PCDHGC3: variants seen among roughly 807,000 people sequenced by gnomAD.
The protein encoded by PCDHGC3 is protocadherin gamma subfamily C, 3, also known as protocadherin gamma-C3.
In PCDHGC3, 26 loss-of-function variants were observed where a neutral mutation model predicts 59.2. The observed-to-expected ratio is 0.44, with a 90% CI of 0.32 to 0.61. The LOEUF is 0.61. Ranked by LOEUF, PCDHGC3 falls within the 20% of genes least tolerant of loss-of-function variation. The probability of loss-of-function intolerance (pLI) is 0.05; values close to 1 mark genes in which losing one functional copy is unlikely to be tolerated. For synonymous variants in PCDHGC3, 487 were observed against 519.7 expected, an observed-to-expected ratio of 0.94 and a Z score of 0.86; for missense variants, 1,080 against 1,221.8, an observed-to-expected ratio of 0.88 and a Z score of 1.73.
Position 141,485,856 on chromosome 5 carries a change from T to C in PCDHGC3, c.2430+7310T>C. ...CCGCCGAGATCTGGCACCGCAGAGC[T>C]CCGGGTATCCGTGCTGGACGTAAAC... is the stretch of plus-strand genomic sequence containing the variant. On this transcript the variant is annotated intron_variant, in intron 1 of 3. Coordinates refer to ENST00000308177, the MANE Select transcript of PCDHGC3 (RefSeq NM_002588.4). The surrounding 1 kb of genome is among the most constrained non-coding windows in gnomAD (Gnocchi z 5.7). 1 of 1,614,108 alleles carries C rather than the reference T, an allele frequency of 6.2e-7. No individual in the cohort carries two copies. The highest frequency in any genetic ancestry group is 8.5e-7 in the Non-Finnish European group (1 of 1,180,014).
At position 141,476,943 on chromosome 5, in the gene PCDHGC3, A is replaced by G. The variant is rs538990482; in HGVS notation, c.827A>G (p.Asn276Ser). The change falls in exon 1 of 4, where the codon AAC (asparagine) becomes AGC (serine). Residue 276 changes from asparagine (N) to serine (S), a missense_variant. Physicochemically the swap from Asn to Ser is conservative, Grantham distance 46. Coordinates refer to ENST00000308177, the MANE Select transcript of PCDHGC3 (RefSeq NM_002588.4). This position sits in a 1 kb window ranked among gnomAD's most constrained non-coding sequence, Gnocchi z 7.6. ...GCAACGGATCTGGATGAAGGCCCCA[A>G]CGGTGAAATTATTTACTCCTTCGGC... ...VLATDLDEGP[N>S]GEIIYSFGSH... 14 of 1,614,170 alleles carry G rather than the reference A, an allele frequency of 8.7e-6. No individual in the cohort carries two copies. Among genetic ancestry groups the G allele is most frequent in the South Asian group, 1.1e-5 (1 of 91,086 alleles).
In PCDHGC3 at chr5:141,511,233, T is replaced by C. The variant is rs776405064; in HGVS notation, c.*60T>C. 5.0e-6 allele frequency: 8 copies of C among 1,595,310 alleles called. No homozygotes were observed. Among genetic ancestry groups the C allele is most frequent in the Non-Finnish European group, 6.8e-6 (8 of 1,170,902 alleles). On this transcript the variant is annotated 3_prime_UTR_variant, in exon 4 of 4. Transcript: ENST00000308177. ...CTCCCCAACCAGCCCAGCTTCTCCT[T>C]ACCTGCACCCAGGCCTCAGAGTTTC...
Position 141,486,601 on chromosome 5 carries a change from C to A in PCDHGC3, c.2430+8055C>A, listed in dbSNP as rs770685748. On this transcript the variant is annotated intron_variant, in intron 1 of 3. Transcript: ENST00000308177. The surrounding 1 kb of genome is among the most constrained non-coding windows in gnomAD (Gnocchi z 5.0). ...ATCGCCCAGGGGACCTGCTTTGCTCCCTTGCAGCCTCTGACCCAGACTCTG... is the reference window on the plus strand; with the variant it reads ...ATCGCCCAGGGGACCTGCTTTGCTCACTTGCAGCCTCTGACCCAGACTCTG... The A allele has an allele frequency of 1.9e-6, 3 of 1,613,558 alleles. No homozygotes were observed. The highest frequency in any genetic ancestry group is 3.3e-5 in the Admixed American group (2 of 60,026).
rs371350905 is a variant in PCDHGC3 at position 141,476,860 on chromosome 5, G to A, written c.744G>A (p.Leu248=). The A allele has an allele frequency of 6.7e-5, 108 of 1,613,762 alleles. No individual in the cohort carries two copies. The highest frequency in any genetic ancestry group is 1.6e-4 in the East Asian group (7 of 44,884). ...ATGCGCCTGTCTTCAACCAGTCCTT[G>A]TACCGGGCGCGCGTCCTGGAGGATG... is the stretch of plus-strand genomic sequence containing the variant. ...NDNAPVFNQS[L]YRARVLEDAP... The change falls in exon 1 of 4, where the codon TTG becomes TTA. Residue 248 remains leucine (L), a synonymous_variant. Transcript: ENST00000308177. This position sits in a 1 kb window ranked among gnomAD's most constrained non-coding sequence, Gnocchi z 7.6.
At chr5:141,495,292 C>T (rs74321313) in intron 2 of PCDHGC3, among the ~76,000 whole-genome samples, 8,567 of 152,256 alleles carry the variant, frequency 0.056, 526 homozygotes, top group African/African-American at 0.16. Context: ...CCGCACTCAG[C>T]GCCTCCTCCA....
At chr5:141,484,950 T>G in intron 1 of PCDHGC3, 1 of 561,950 alleles carries the variant, frequency 1.8e-6, no homozygotes, top group Non-Finnish European at 3.2e-6. Context: ...GCTCAGCCTA[T>G]TGGCTGAGCC....
chr5:141,482,016 C>T (rs2099550411), intron 1 of PCDHGC3, among the ~76,000 whole-genome samples: 1 of 148,596 alleles, frequency 6.7e-6, no homozygotes, highest in African/African-American at 2.5e-5. Context: ...TCTCAGGAAG[C>T]AGAGGTTGCA....
At chr5:141,495,095 G>C (rs67264863) in intron 2 of PCDHGC3, among the ~76,000 whole-genome samples, 9,751 of 152,126 alleles carry the variant, frequency 0.064, 363 homozygotes, top group South Asian at 0.11. Context: ...TTCCCTCCTC[G>C]CCACGACCGG....
At chr5:141,510,132 G>A (rs920772998) in intron 3 of PCDHGC3, among the ~76,000 whole-genome samples, 2 of 152,120 alleles carry the variant, frequency 1.3e-5, no homozygotes, top group African/African-American at 4.8e-5. Context: ...AAATTAGCTG[G>A]GCTAGTGGTG....
At chr5:141,482,530 CAAAAAAA>C (rs3074545) in intron 1 of PCDHGC3, among the ~76,000 whole-genome samples, 2 of 76,560 alleles carry the variant, frequency 2.6e-5, no homozygotes, top group South Asian at 4.6e-4. Flanking sequence ...GACAGACATG[CAAAAAAA>C]AAAAAAAAAA....
chr5:141,502,655 C>T (rs72790073), intron 2 of PCDHGC3, among the ~76,000 whole-genome samples: 29,437 of 152,034 alleles, frequency 0.19, 2,877 homozygotes, highest in Middle Eastern at 0.24. Context: ...AGGCAGCAAC[C>T]CTTCATGCAA....
intron 1 of PCDHGC3, 157 bp from the exon 2 acceptor site, chr5:141,494,650 T>G (rs1366776271): frequency 1.0e-6 from 1 of 960,138 alleles, no homozygotes; most frequent in East Asian, 1.1e-4. Context: ...CTGAGGTGTA[T>G]TTTGTCTTTG....
At position 141,482,530 on chromosome 5, in the gene PCDHGC3, C is replaced by CAA. The variant is rs3074545; in HGVS notation, c.2430+4002_2430+4003dup. ...CAGAGTACAGTATGAGACAGACATG[C>CAA]AAAAAAAAAAAAAAAAAAAGATAAT... On this transcript the variant is annotated intron_variant, in intron 1 of 3. Transcript: ENST00000308177. Among the ~76,000 whole-genome samples the CAA allele has an allele frequency of 5.5e-3, 422 of 76,516 alleles. 18 individuals are homozygous for CAA. Among genetic ancestry groups the CAA allele is most frequent in the African/African-American group, 0.016 (343 of 20,862 alleles). The allele number at this position is 76,516 out of a possible 152,430, so 50.2% of individuals were successfully genotyped here.
Position 141,476,698 on chromosome 5 carries a change from G to T in PCDHGC3, c.582G>T (p.Ala194=). The T allele has an allele frequency of 4.3e-6, 7 of 1,614,056 alleles. No homozygotes were observed. Among genetic ancestry groups the T allele is most frequent in the Non-Finnish European group, 5.9e-6 (7 of 1,179,986 alleles). ...VQTREDSTKY[A]ELVLERALDR... is the part of the protein sequence containing the mutation. ...CGCGGGAGGACAGCACCAAGTACGC[G>T]GAGCTGGTGTTGGAGCGCGCCCTGG... Residue 194 remains alanine, a synonymous_variant, in exon 1 of 4, where the codon GCG becomes GCT. Coordinates refer to ENST00000308177, the MANE Select transcript of PCDHGC3 (RefSeq NM_002588.4). The surrounding 1 kb of genome is among the most constrained non-coding windows in gnomAD (Gnocchi z 7.6).
chr5:141,475,984 G>A lies in PCDHGC3; in HGVS notation c.-133G>A. On this transcript the variant is annotated 5_prime_UTR_variant, in exon 1 of 4. Transcript: ENST00000308177. ...ATGAGGCAGAGACTGAACAGCCGGC[G>A]AGCAAATCAACGGCATCCAGAAAGC... is the stretch of plus-strand genomic sequence containing the variant. 2 of 1,069,308 alleles carry A rather than the reference G, an allele frequency of 1.9e-6. No homozygotes were observed. The highest frequency in any genetic ancestry group is 2.7e-6 in the Non-Finnish European group (2 of 745,076). The allele number at this position is 1,069,308 out of a possible 1,614,324, so 66.2% of individuals were successfully genotyped here. A position where few individuals can be genotyped will look rare whatever the true frequency, so the allele number is the denominator to read the frequency against.
intron 2 of PCDHGC3, among the ~76,000 whole-genome samples, chr5:141,502,719 C>G (rs1242423173): frequency 1.3e-5 from 2 of 152,190 alleles, no homozygotes; most frequent in Non-Finnish European, 2.9e-5. Flanking sequence ...TCAGTGATTA[C>G]AAAGCGGTGA....
chr5:141,482,069 G>A (rs892777397), intron 1 of PCDHGC3, among the ~76,000 whole-genome samples: 1 of 138,078 alleles, frequency 7.2e-6, no homozygotes, highest in Non-Finnish European at 1.5e-5. Context: ...TGGGCAACAA[G>A]AACAAAACTC....
intron 2 of PCDHGC3, among the ~76,000 whole-genome samples, chr5:141,503,075 G>C (rs1373753092): frequency 6.6e-6 from 1 of 151,438 alleles, no homozygotes; most frequent in Non-Finnish European, 1.5e-5. Context: ...GAATGGTCTC[G>C]ATCTCCTGAC....
Position 141,493,508 on chromosome 5 carries a change from C to T in PCDHGC3, c.2431-1299C>T, listed in dbSNP as rs2099748607. 1.3e-5 allele frequency among the ~76,000 whole-genome samples: 2 copies of T among 152,284 alleles called. No homozygotes were observed. The highest frequency in any genetic ancestry group is 4.1e-4 in the South Asian group (2 of 4,820). On this transcript the variant is annotated intron_variant, in intron 1 of 3. Transcript: ENST00000308177. The surrounding 1 kb of genome is among the most constrained non-coding windows in gnomAD (Gnocchi z 4.3). Reference sequence around the variant, plus strand: ...TCTTCTGTGGCTCCTCATTTCTGAGCAGTCCCCGCAGCGCAAACTTGGCCA... The same window carrying T: ...TCTTCTGTGGCTCCTCATTTCTGAGTAGTCCCCGCAGCGCAAACTTGGCCA...
Sources: gnomAD v4.1 joint callset for allele counts (sites outside exome capture counted in the v4.1 genomes callset) on GRCh38, gnomAD v4.1.1 for gene constraint, Gnocchi (gnomAD v3.1) non-coding constraint, MANE v1.5 for transcripts, NCBI Gene and HGNC (gene_info 2026-07-23, HGNC 2026-07-21) for gene names.